Variants in ADGRB3 observed in about 807,000 individuals in gnomAD.
ADGRB3 encodes adhesion G protein-coupled receptor B3.
ADGRB3 carries 37 observed loss-of-function variants against 193.4 expected under a neutral mutation model. The ratio of observed to expected loss-of-function variants is 0.19; its 90% CI spans 0.15 to 0.25. The LOEUF (loss-of-function observed/expected upper bound fraction) is 0.25. Among genes scored for constraint, ADGRB3 ranks in the 10% least tolerant of loss-of-function variants. The probability of loss-of-function intolerance (pLI) is 1.00; values close to 1 mark genes in which losing one functional copy is unlikely to be tolerated. For missense variants in ADGRB3, 1,637 were observed against 1,852.9 expected (o/e 0.88, Z 2.14); for synonymous variants, 690 against 644.2 (o/e 1.07, Z -1.08).
Position 69,071,263 on chromosome 6 carries a change from A to G in ADGRB3, c.2437-4732A>G, listed in dbSNP as rs1030844390. Among the ~76,000 whole-genome samples, 3 of 152,200 alleles carry G rather than the reference A, an allele frequency of 2.0e-5. No individual in the cohort carries two copies. The East Asian group carries it at 5.8e-4, about 29-fold the overall frequency. ...AGACTTAGAAGAGAGTTTTGAAAGA[A>G]TAAAATGAATTTCTAGAATCATTAA... On this transcript the variant is annotated intron_variant, in intron 16 of 31. Coordinates refer to ENST00000370598, the MANE Select transcript of ADGRB3 (RefSeq NM_001704.3).
chr6:68,894,221 C>T (rs942758398), intron 3 of ADGRB3, among the ~76,000 whole-genome samples: 5 of 151,962 alleles, frequency 3.3e-5, no homozygotes, highest in Admixed American at 1.3e-4. Flanking sequence ...AATAATACAT[C>T]CCCATGTAGG....
At chr6:69,296,493 G>C (rs1767820318) in intron 20 of ADGRB3, among the ~76,000 whole-genome samples, 1 of 151,964 alleles carries the variant, frequency 6.6e-6, no homozygotes, top group Non-Finnish European at 1.5e-5. Flanking sequence ...GAAATAATTA[G>C]AGCCCTACAT....
At chr6:68,792,798 G>A (rs962327196) in intron 3 of ADGRB3, among the ~76,000 whole-genome samples, 1 of 152,052 alleles carries the variant, frequency 6.6e-6, no homozygotes, top group Non-Finnish European at 1.5e-5. Flanking sequence ...CAGCCTTCCC[G>A]CCGATGTCCC....
chr6:69,359,883 A>G (rs886824710), intron 28 of ADGRB3, among the ~76,000 whole-genome samples: 1 of 151,910 alleles, frequency 6.6e-6, no homozygotes, highest in African/African-American at 2.4e-5. Context: ...AATTTTATTC[A>G]TTTGTATCCT....
chr6:69,091,194 G>A (rs1772694564), intron 17 of ADGRB3, among the ~76,000 whole-genome samples: 1 of 152,186 alleles, frequency 6.6e-6, no homozygotes, highest in African/African-American at 2.4e-5. Flanking sequence ...GTTGATGGGA[G>A]TGTAAATTCG....
At chr6:68,902,627 G>A (rs1766427709) in intron 3 of ADGRB3, among the ~76,000 whole-genome samples, 1 of 151,840 alleles carries the variant, frequency 6.6e-6, no homozygotes, top group Non-Finnish European at 1.5e-5. Context: ...ATTGAAAAAG[G>A]CCATAAAAAA....
chr6:69,065,959 A>T (rs1043634441), intron 16 of ADGRB3, among the ~76,000 whole-genome samples: 1 of 152,072 alleles, frequency 6.6e-6, no homozygotes, highest in African/African-American at 2.4e-5. Flanking sequence ...TTTACACTGT[A>T]TTATGGTATT....
chr6:68,831,557 T>C (rs1245885790), intron 3 of ADGRB3, among the ~76,000 whole-genome samples: 1 of 151,864 alleles, frequency 6.6e-6, no homozygotes, highest in Non-Finnish European at 1.5e-5. Context: ...GAGCACGGGG[T>C]AGTGAATGAG....
intron 16 of ADGRB3, among the ~76,000 whole-genome samples, chr6:69,074,689 C>T (rs888809546): frequency 2.6e-5 from 4 of 151,878 alleles, no homozygotes; most frequent in African/African-American, 7.3e-5. Flanking sequence ...GGACTACAGG[C>T]GCCTGCCACC....
At chr6:68,893,036 C>A (rs1235604768) in intron 3 of ADGRB3, among the ~76,000 whole-genome samples, 1 of 152,040 alleles carries the variant, frequency 6.6e-6, no homozygotes, top group Non-Finnish European at 1.5e-5. Flanking sequence ...ACCTCTATGA[C>A]CCTTGAAAAC....
intron 30 of ADGRB3, among the ~76,000 whole-genome samples, chr6:69,376,271 TG>T (rs1282835477): frequency 6.6e-6 from 1 of 151,712 alleles, no homozygotes; most frequent in Admixed American, 6.6e-5. Flanking sequence ...TATTTTGTTT[TG>T]TTTTTTGTAT....
Position 68,732,547 on chromosome 6 carries a change from A to AG in ADGRB3, c.757+93116dup, listed in dbSNP as rs573572780. Among the ~76,000 whole-genome samples the AG allele has an allele frequency of 1.5e-3, 225 of 152,070 alleles. 3 individuals are homozygous for AG. Among genetic ancestry groups the AG allele is most frequent in the African/African-American group, 5.2e-3 (214 of 41,536 alleles). On this transcript the variant is annotated intron_variant, in intron 3 of 31. Coordinates refer to ENST00000370598, the MANE Select transcript of ADGRB3 (RefSeq NM_001704.3). ...ATGGTATGGTATTGAAGATATGGTG[A>AG]GAAACAGGAAGCCTGAGAAATGGTA...
chr6:68,976,630 A>C (rs965217775), intron 10 of ADGRB3, among the ~76,000 whole-genome samples: 1 of 152,216 alleles, frequency 6.6e-6, no homozygotes, highest in Non-Finnish European at 1.5e-5. Context: ...ACAATAAAGT[A>C]AGCTAGAGAA....
At chr6:68,844,082 T>C (rs576374100) in intron 3 of ADGRB3, among the ~76,000 whole-genome samples, 1 of 152,204 alleles carries the variant, frequency 6.6e-6, no homozygotes, top group South Asian at 2.1e-4. Flanking sequence ...AAGAAAACAT[T>C]GGGGAAACCC....
chr6:69,199,131 T>C (rs1765362210), intron 17 of ADGRB3, among the ~76,000 whole-genome samples: 1 of 152,132 alleles, frequency 6.6e-6, no homozygotes, highest in Non-Finnish European at 1.5e-5. Context: ...CTAGAGTGGA[T>C]AAACTTACTC....
intron 3 of ADGRB3, among the ~76,000 whole-genome samples, chr6:68,731,244 T>A (rs1161604883): frequency 6.6e-6 from 1 of 151,668 alleles, no homozygotes; most frequent in Non-Finnish European, 1.5e-5. Flanking sequence ...CCTATAGATA[T>A]CTTAATCCTC....
At chr6:69,316,867 C>A (rs1390680626) in intron 20 of ADGRB3, among the ~76,000 whole-genome samples, 1 of 151,328 alleles carries the variant, frequency 6.6e-6, no homozygotes, top group African/African-American at 2.4e-5. Flanking sequence ...GAATACTGGA[C>A]GGTTGGTTGG....
In ADGRB3 at chr6:69,013,947, A is replaced by G. The variant is rs538168349; in HGVS notation, c.1930-91A>G. The G allele has an allele frequency of 1.6e-4, 119 of 746,148 alleles. No homozygotes were observed. The African/African-American group carries it at 1.9e-3, about 12-fold the overall frequency. 46.2% of individuals were successfully genotyped at this position (746,148 alleles called of 1,614,324 possible). On this transcript the variant is annotated intron_variant, in intron 11 of 31. Transcript: ENST00000370598. ...TAAAGCAATATTGCAAAGTGCTTAT[A>G]CCTTTACCACGTAGTCAACCCAAAT... is the stretch of plus-strand genomic sequence containing the variant.
intron 17 of ADGRB3, among the ~76,000 whole-genome samples, chr6:69,189,267 A>G (rs1765136763): frequency 6.6e-6 from 1 of 152,188 alleles, no homozygotes; most frequent in Non-Finnish European, 1.5e-5. Flanking sequence ...TATTTTTTCC[A>G]GTATTTCTAG....
Sources: gnomAD v4.1 joint callset for allele counts (sites outside exome capture counted in the v4.1 genomes callset) on GRCh38, gnomAD v4.1.1 for gene constraint, MANE v1.5 for transcripts, NCBI Gene and HGNC (gene_info 2026-07-23, HGNC 2026-07-21) for gene names.